Variants in HPCAL1 observed in about 807,000 individuals in gnomAD.
HPCAL1 encodes hippocalcin like 1, also known as hippocalcin-like protein 1.
Under a neutral mutation model 17.1 loss-of-function variants are expected in HPCAL1, and 8 were observed. The observed-to-expected ratio is 0.47, with a 90% CI of 0.27 to 0.84. The LOEUF (loss-of-function observed/expected upper bound fraction) is 0.84, where lower values mean the gene tolerates loss of function less well. Ranked by LOEUF, HPCAL1 falls within the 40% of genes least tolerant of loss-of-function variation. The pLI, the probability that HPCAL1 is intolerant of heterozygous loss-of-function variation, is 0.13. For missense variants in HPCAL1, 165 were observed against 271.1 expected (o/e 0.61, Z 2.75); for synonymous variants, 112 against 111.4 (o/e 1.01, Z -0.03).
intron 1 of HPCAL1, among the ~76,000 whole-genome samples, chr2:10,392,174 C>T (rs1417467046): frequency 1.3e-5 from 2 of 152,108 alleles, no homozygotes; most frequent in Non-Finnish European, 2.9e-5. Context: ...TCCTGAGTAG[C>T]TGGGACTACC....
rs1668980889 is a variant in HPCAL1, at chr2:10,395,733, G to A, written c.-110-1102G>A. 1.3e-5 allele frequency among the ~76,000 whole-genome samples: 2 copies of A among 152,146 alleles called. No individual in the cohort carries two copies. The highest frequency in any genetic ancestry group is 2.4e-5 in the African/African-American group (1 of 41,428). ...GACTGTCAGGATTCCATCCTGGCTCGGCCCCTTGGAAGACACATGATCTTG... is the reference window on the plus strand; with the variant it reads ...GACTGTCAGGATTCCATCCTGGCTCAGCCCCTTGGAAGACACATGATCTTG... On this transcript the variant is annotated intron_variant, in intron 1 of 4. Transcript: ENST00000307845. This position sits in a 1 kb window ranked among gnomAD's most constrained non-coding sequence, Gnocchi z 4.4.
chr2:10,332,542 G>A (rs1238111244), intron 1 of HPCAL1, among the ~76,000 whole-genome samples: 2 of 152,092 alleles, frequency 1.3e-5, no homozygotes, highest in African/African-American at 4.8e-5. Context: ...GCGGGCCCCT[G>A]TACTCCCTAG....
chr2:10,349,690 A>G (rs55709962), intron 1 of HPCAL1, among the ~76,000 whole-genome samples: 43,920 of 117,486 alleles, frequency 0.37, 8,406 homozygotes, highest in South Asian at 0.58. Context: ...GTGACAGAGC[A>G]AGACTCTGTC....
Position 10,409,098 on chromosome 2 carries a change from G to T in HPCAL1, c.-24-10636G>T, listed in dbSNP as rs141514362. On this transcript the variant is annotated intron_variant, in intron 2 of 4. Coordinates refer to ENST00000307845, the MANE Select transcript of HPCAL1 (RefSeq NM_002149.4). ...TATTTTATGTTGTTTTTTTTCATAT[G>T]AAGTCGTCAAAATCCGGCGTGTATT... Among the ~76,000 whole-genome samples the T allele has an allele frequency of 2.0e-3, 310 of 152,168 alleles. 2 individuals are homozygous for T. Among genetic ancestry groups the T allele is most frequent in the African/African-American group, 7.2e-3 (297 of 41,524 alleles).
intron 1 of HPCAL1, among the ~76,000 whole-genome samples, chr2:10,388,611 G>A (rs561609540): frequency 6.6e-6 from 1 of 152,304 alleles, no homozygotes; most frequent in South Asian, 2.1e-4. Context: ...TCTCTCCCTG[G>A]TGCCTGGTAT....
Position 10,339,800 on chromosome 2 carries a change from G to A in HPCAL1, c.-111+36623G>A, listed in dbSNP as rs377152400. ...GAGATAGCTCGCCATGTTCATGCCC[G>A]GCAGGACGTAGCAACAGGGCTGGCG... On this transcript the variant is annotated intron_variant, in intron 1 of 4. Transcript: ENST00000307845. Among the ~76,000 whole-genome samples the A allele has an allele frequency of 3.7e-4, 57 of 152,320 alleles. 1 individual carries two copies. Among genetic ancestry groups the A allele is most frequent in the African/African-American group, 1.3e-3 (55 of 41,568 alleles).
At chr2:10,306,712 G>A (rs981255841) in intron 1 of HPCAL1, among the ~76,000 whole-genome samples, 6 of 152,168 alleles carry the variant, frequency 3.9e-5, no homozygotes, top group African/African-American at 1.4e-4. Flanking sequence ...TTTGACAGGT[G>A]GAACATTTCT....
In HPCAL1 at chr2:10,384,875, G is replaced by A. The variant is rs967832324; in HGVS notation, c.-110-11960G>A. Reference sequence around the variant, plus strand: ...GGTGGCTCATGCCTGTAATCCCAACGCTTTGGGAGGCCGAGGTGGGTGGAT... The same window carrying A: ...GGTGGCTCATGCCTGTAATCCCAACACTTTGGGAGGCCGAGGTGGGTGGAT... On this transcript the variant is annotated intron_variant, in intron 1 of 4. Transcript: ENST00000307845. This position sits in a 1 kb window ranked among gnomAD's most constrained non-coding sequence, Gnocchi z 4.4. 7.2e-5 allele frequency among the ~76,000 whole-genome samples: 11 copies of A among 152,064 alleles called. No homozygotes were observed. Among genetic ancestry groups the A allele is most frequent in the East Asian group, 1.9e-4 (1 of 5,164 alleles).
At chr2:10,319,653 G>A (rs929687090) in intron 1 of HPCAL1, among the ~76,000 whole-genome samples, 29 of 151,804 alleles carry the variant, frequency 1.9e-4, no homozygotes, top group African/African-American at 3.9e-4. Context: ...AGCAGAGACC[G>A]GGCCTGGAGA....
At chr2:10,346,932 T>C (rs1397932193) in intron 1 of HPCAL1, among the ~76,000 whole-genome samples, 1 of 149,020 alleles carries the variant, frequency 6.7e-6, no homozygotes, top group Non-Finnish European at 1.5e-5. Flanking sequence ...TAAACATTTG[T>C]TCCTCTTGTC....
intron 1 of HPCAL1, among the ~76,000 whole-genome samples, chr2:10,349,876 T>C (rs910582459): frequency 2.6e-5 from 4 of 152,150 alleles, no homozygotes; most frequent in Non-Finnish European, 4.4e-5. Context: ...TCCTGATATG[T>C]CTTTTTTGCA....
At chr2:10,316,128 C>T (rs1245119031) in intron 1 of HPCAL1, among the ~76,000 whole-genome samples, 4 of 152,270 alleles carry the variant, frequency 2.6e-5, no homozygotes, top group South Asian at 4.1e-4. Context: ...TGGGCGTTCA[C>T]TTCGTTTGTT....
At chr2:10,397,951 G>T (rs1045714675) in intron 2 of HPCAL1, among the ~76,000 whole-genome samples, 1 of 152,200 alleles carries the variant, frequency 6.6e-6, no homozygotes, top group Non-Finnish European at 1.5e-5. Flanking sequence ...CCTCTTCAGG[G>T]TCAATGCGAG....
At chr2:10,326,346 T>C (rs1664017473) in intron 1 of HPCAL1, among the ~76,000 whole-genome samples, 1 of 151,852 alleles carries the variant, frequency 6.6e-6, no homozygotes, top group African/African-American at 2.4e-5. Flanking sequence ...AGGCGGGAGG[T>C]GGCTTCAGTG....
rs1668991349 is a variant in HPCAL1, at chr2:10,395,837, T to C, written c.-110-998T>C. The stretch of plus-strand genomic sequence containing the variant: ...GATGATTGTGCCTGCCTCCCAGGGC[T>C]GCTGTGTGGATTACGTTGGATAATG... On this transcript the variant is annotated intron_variant, in intron 1 of 4. Transcript: ENST00000307845. This position sits in a 1 kb window ranked among gnomAD's most constrained non-coding sequence, Gnocchi z 4.4. Among the ~76,000 whole-genome samples the C allele has an allele frequency of 6.6e-6, 1 of 152,174 alleles. No individual in the cohort carries two copies. Among genetic ancestry groups the C allele is most frequent in the African/African-American group, 2.4e-5 (1 of 41,418 alleles).
intron 2 of HPCAL1, among the ~76,000 whole-genome samples, chr2:10,416,305 G>A (rs934153764): frequency 4.6e-5 from 7 of 152,346 alleles, no homozygotes; most frequent in South Asian, 2.1e-4. Flanking sequence ...CCCAGTGAGC[G>A]ATGCCCTGGG....
Position 10,316,721 on chromosome 2 carries a change from A to G in HPCAL1, c.-111+13544A>G, listed in dbSNP as rs565111714. 3.4e-4 allele frequency among the ~76,000 whole-genome samples: 52 copies of G among 152,344 alleles called. No individual in the cohort carries two copies. The South Asian group carries it at 0.01, about 30-fold the overall frequency. ...GATGCTGGGGCCGGGCTGCCTCCCC[A>G]GGCAAATCACATCACTGTAAAATCC... On this transcript the variant is annotated intron_variant, in intron 1 of 4. Coordinates refer to ENST00000307845, the MANE Select transcript of HPCAL1 (RefSeq NM_002149.4).
At chr2:10,378,635 C>T (rs1410905503) in intron 1 of HPCAL1, among the ~76,000 whole-genome samples, 1 of 152,140 alleles carries the variant, frequency 6.6e-6, no homozygotes, top group African/African-American at 2.4e-5. Context: ...TCACCGCAAC[C>T]TAATTACTTT....
intron 1 of HPCAL1, among the ~76,000 whole-genome samples, chr2:10,348,566 C>T (rs1057205733): frequency 6.6e-6 from 1 of 151,576 alleles, no homozygotes; most frequent in Admixed American, 6.6e-5. Flanking sequence ...GAGTATTTGC[C>T]CAGCCTGGGT....
Sources: allele counts gnomAD v4.1 joint callset (sites outside exome capture counted in the v4.1 genomes callset), GRCh38; gene constraint gnomAD v4.1.1; non-coding constraint Gnocchi (gnomAD v3.1); transcripts MANE v1.5; gene names NCBI Gene and HGNC (gene_info 2026-07-23, HGNC 2026-07-21).